FBN3: variants seen among roughly 807,000 people sequenced by gnomAD.
The protein encoded by FBN3 is fibrillin 3.
In FBN3, 234 loss-of-function variants were observed where a neutral mutation model predicts 330.1. The ratio of observed to expected loss-of-function variants is 0.71; its 90% confidence interval spans 0.64 to 0.79. FBN3 has a LOEUF of 0.79. FBN3 is among the 30% of genes least tolerant of loss of function. The pLI is 0.00. For missense variants in FBN3, 3,606 were observed against 3,886.9 expected, an observed-to-expected ratio of 0.93 and a Z score of 1.92; for synonymous variants, 1,458 against 1,517.3, an observed-to-expected ratio of 0.96 and a Z score of 0.91.
At chr19:8,125,790 C>CAAAAA in intron 22 of FBN3, 102 bp downstream of exon 22, 1 of 1,078,798 alleles carries the variant, frequency 9.3e-7, no homozygotes, top group Non-Finnish European at 1.2e-6. Context: ...GACTCCATCT[C>CAAAAA]AAAAAAAAAA....
intron 18 of FBN3, among the ~76,000 whole-genome samples, chr19:8,127,069 T>TG (rs1233510740): frequency 9.8e-4 from 146 of 149,068 alleles, no homozygotes; most frequent in Middle Eastern, 3.4e-3. Context: ...GTTTTTTTTT[T>TG]TTTTTTGAGA....
At chr19:8,111,293 G>T in intron 32 of FBN3, 110 bp from the exon 33 acceptor site, 1 of 1,362,388 alleles carries the variant, frequency 7.3e-7, no homozygotes, top group Non-Finnish European at 9.9e-7. Context: ...AGAGTCCCAG[G>T]CAAGTAGCCC....
chr19:8,122,850 A>G (rs2082885241), intron 24 of FBN3, among the ~76,000 whole-genome samples: 1 of 151,312 alleles, frequency 6.6e-6, no homozygotes, highest in Non-Finnish European at 1.5e-5. Flanking sequence ...TTTTTAGTAG[A>G]GACAGGGTTT....
At chr19:8,090,017 G>A in intron 49 of FBN3, 58 bp from the exon 50 acceptor site, 1 of 1,598,492 alleles carries the variant, frequency 6.3e-7, no homozygotes, top group Non-Finnish European at 8.5e-7. Context: ...CCCCAGGTGT[G>A]TGCAGGGAAG....
In FBN3 at chr19:8,136,486, G is replaced by C; in HGVS notation, c.1247C>G (p.Thr416Ser). The C allele has an allele frequency of 1.9e-6, 3 of 1,614,140 alleles. No individual in the cohort carries two copies. Among genetic ancestry groups the C allele is most frequent in the Admixed American group, 1.7e-5 (1 of 60,024 alleles). The change falls in exon 11 of 64, where the codon ACC becomes AGC. Residue 416 changes from threonine (T) to serine (S), a missense_variant. Transcript: ENST00000600128. ...GCAGCGGCCATTCAGACACAGGTTG[G>C]TGAAGTGTCGGCAGATGTCAATGGT... ...NQTIDICRHF[T>S]NLCLNGRCLP...
In FBN3 at chr19:8,103,693, G is replaced by A. The variant is rs1180955917; in HGVS notation, c.4814-6C>T. 9.9e-6 allele frequency: 16 copies of A among 1,612,218 alleles called. No homozygotes were observed. Among genetic ancestry groups the A allele is most frequent in the African/African-American group, 5.3e-5 (4 of 74,880 alleles). On this transcript the variant is annotated splice_polypyrimidine_tract_variant and splice_region_variant and intron_variant, in intron 38 of 63. Coordinates refer to ENST00000600128, the MANE Select transcript of FBN3 (RefSeq NM_032447.5). The stretch of plus-strand genomic sequence containing the variant: ...TGTGGAGCATTCGTCAATATCTGCA[G>A]GGAAAGAAGGGGTGGAGGGGAACAG...
chr19:8,135,936 G>GGGGGGGGGGGGGGGC, intron 13 of FBN3, 25 bp downstream of exon 13: 71 of 668,732 alleles, frequency 1.1e-4, no homozygotes, highest in Non-Finnish European at 1.5e-4. Context: ...GGAAGCCCCT[G>GGGGGGGGGGGGGGGC]CCCACCCGCC....
chr19:8,106,274 A>G (rs904295333), intron 37 of FBN3, 41 bp from the exon 38 acceptor site: 1 of 1,612,602 alleles, frequency 6.2e-7, no homozygotes, highest in African/African-American at 1.3e-5. Context: ...AGCTAAACCC[A>G]TGCAGAGGAC....
chr19:8,115,448 A>T, intron 30 of FBN3, 67 bp downstream of exon 30: 1 of 1,573,830 alleles, frequency 6.4e-7, no homozygotes, highest in Non-Finnish European at 8.6e-7. Flanking sequence ...GGATGGAAAC[A>T]GACCCCATGA....
intron 30 of FBN3, among the ~76,000 whole-genome samples, chr19:8,114,136 C>A (rs2082655261): frequency 6.6e-6 from 1 of 152,128 alleles, no homozygotes; most frequent in Non-Finnish European, 1.5e-5. Context: ...AGGCATGGAA[C>A]ACTTTCTGCC....
rs1157161038 is a variant in FBN3, at chr19:8,141,275, G to A, written c.865+442C>T. ...CCAGCTACTTGGGAGGCTGAGGCAG[G>A]AGGATCTCTTGAACTGGGAGGCAGA... On this transcript the variant is annotated intron_variant, in intron 8 of 63. Coordinates refer to ENST00000600128, the MANE Select transcript of FBN3 (RefSeq NM_032447.5). 3.3e-5 allele frequency among the ~76,000 whole-genome samples: 5 copies of A among 150,944 alleles called. No individual in the cohort carries two copies. The East Asian group carries it at 9.7e-4, about 29-fold the overall frequency.
intron 13 of FBN3, among the ~76,000 whole-genome samples, chr19:8,135,298 G>GAC (rs1344509601): frequency 1.3e-5 from 2 of 150,536 alleles, no homozygotes; most frequent in Non-Finnish European, 3.0e-5. Context: ...TTTTTTTTGA[G>GAC]ACTGAGTCTC....
chr19:8,128,937 C>T (rs1417600911), intron 18 of FBN3, 91 bp downstream of exon 18: 21 of 1,453,006 alleles, frequency 1.4e-5, no homozygotes, highest in African/African-American at 2.8e-5. Flanking sequence ...CATCTTTGAG[C>T]GTGTGCATGC....
intron 31 of FBN3, 23 bp downstream of exon 31, chr19:8,111,954 A>T (rs1350405626): frequency 1.0e-6 from 1 of 1,000,718 alleles, no homozygotes; most frequent in Non-Finnish European, 1.3e-6. Flanking sequence ...CTTTGCCCCC[A>T]CTCCCTGCCC....
chr19:8,112,924 G>GTAACAC (rs2082623348), intron 30 of FBN3, among the ~76,000 whole-genome samples: 2 of 152,204 alleles, frequency 1.3e-5, no homozygotes, highest in South Asian at 4.1e-4. Context: ...GCTCTGTTAT[G>GTAACAC]TAACACTTGT....
rs61633950 is a variant in FBN3, at chr19:8,097,157, T to C, written c.5287+132A>G. ...GGTGGTTATATGAGATGGAGGCCCTTGGAAAGGTGTTAGCCCATTATACAT... is the reference window on the plus strand; with the variant it reads ...GGTGGTTATATGAGATGGAGGCCCTCGGAAAGGTGTTAGCCCATTATACAT... On this transcript the variant is annotated intron_variant, in intron 42 of 63. Transcript: ENST00000600128. The C allele has an allele frequency of 0.01, 15,158 of 1,463,186 alleles. 759 individuals carry two copies. The African/African-American group carries it at 0.14, about 13-fold the overall frequency. The allele number at this position is 1,463,186 out of a possible 1,614,324, so 90.6% of individuals were successfully genotyped here.
rs767908250 is a variant in FBN3, at chr19:8,126,358, G to C, written c.2555-11C>G. 7 of 1,586,506 alleles carry C rather than the reference G, an allele frequency of 4.4e-6. No individual in the cohort carries two copies. The South Asian group carries it at 6.9e-5, about 16-fold the overall frequency. On this transcript the variant is annotated splice_polypyrimidine_tract_variant and intron_variant, in intron 20 of 63. Transcript: ENST00000600128. ...GGGCACAGGCAGGGTCTGCAACTGG[G>C]AGAACAAGAGTGAAGAGAGGAGTCA... is the stretch of plus-strand genomic sequence containing the variant.
intron 38 of FBN3, among the ~76,000 whole-genome samples, chr19:8,104,848 T>C (rs2082403203): frequency 6.6e-6 from 1 of 152,174 alleles, no homozygotes; most frequent in Non-Finnish European, 1.5e-5. Flanking sequence ...ATTTTATTTA[T>C]GGACCCCTGA....
intron 38 of FBN3, 115 bp downstream of exon 38, chr19:8,105,993 G>A (rs1389104879): frequency 8.1e-7 from 1 of 1,233,372 alleles, no homozygotes; most frequent in Non-Finnish European, 1.1e-6. Context: ...GGAGGCAGGG[G>A]GCAGAAGCCT....
Sources: gnomAD v4.1 joint callset for allele counts (sites outside exome capture counted in the v4.1 genomes callset) on GRCh38, gnomAD v4.1.1 for gene constraint, MANE v1.5 for transcripts, NCBI Gene and HGNC (gene_info 2026-07-23, HGNC 2026-07-21) for gene names.